Variants in BTBD16 observed in about 807,000 individuals in gnomAD.
BTBD16 encodes BTB/POZ domain-containing protein 16.
In BTBD16, 66 loss-of-function variants were observed where a neutral mutation model predicts 67.4. The observed-to-expected ratio is 0.98, with a 90% CI of 0.80 to 1.20. The LOEUF (loss-of-function observed/expected upper bound fraction) is 1.20, where lower values mean the gene tolerates loss of function less well. BTBD16 is among the 50% of genes most tolerant of loss of function. The pLI is 0.00. For missense variants in BTBD16, 634 were observed against 616.0 expected, an observed-to-expected ratio of 1.03 and a Z score of -0.31; for synonymous variants, 242 against 236.4, an observed-to-expected ratio of 1.02 and a Z score of -0.22.
chr10:122,336,764 T>C (rs1465986343), intron 15 of BTBD16, 82 bp downstream of exon 15: 3 of 1,245,044 alleles, frequency 2.4e-6, no homozygotes, highest in Admixed American at 2.8e-5. Context: ...TGGCTTCTAA[T>C]CTCCAGTGCT....
chr10:122,303,058 GA>G lies in BTBD16; in HGVS notation c.791+3932del, dbSNP rs1005420211. Among the ~76,000 whole-genome samples the G allele has an allele frequency of 1.6e-4, 24 of 151,658 alleles. 1 individual carries two copies. Among genetic ancestry groups the G allele is most frequent in the Non-Finnish European group, 2.9e-4 (20 of 67,890 alleles). On this transcript the variant is annotated intron_variant, in intron 9 of 15. Coordinates refer to ENST00000260723, the MANE Select transcript of BTBD16 (RefSeq NM_144587.5). ...AAAAGTATATCTCCTTGTAGTTTCT[GA>G]AAAAAAAGTATAAAGGTAGAATTAT...
At chr10:122,336,833 A>G (rs1311034187) in intron 15 of BTBD16, 151 bp downstream of exon 15, 2 of 670,216 alleles carry the variant, frequency 3.0e-6, no homozygotes, top group East Asian at 3.2e-5. Context: ...CACAGCCTCA[A>G]ATAACGCTAA....
intron 4 of BTBD16, among the ~76,000 whole-genome samples, chr10:122,284,269 T>C (rs1314170437): frequency 6.6e-6 from 1 of 152,076 alleles, no homozygotes; most frequent in African/African-American, 2.4e-5. Flanking sequence ...GCCAACATGG[T>C]GAAACCCCGT....
intron 10 of BTBD16, among the ~76,000 whole-genome samples, chr10:122,315,282 C>T (rs1430516479): frequency 1.3e-5 from 2 of 152,132 alleles, no homozygotes; most frequent in African/African-American, 4.8e-5. Flanking sequence ...GCCTGTATAA[C>T]CAGCACTGCA....
At chr10:122,307,373 A>T in intron 10 of BTBD16, 65 bp downstream of exon 10, 3 of 1,452,316 alleles carry the variant, frequency 2.1e-6, no homozygotes, top group Non-Finnish European at 2.8e-6. Flanking sequence ...ACTGCTCATA[A>T]TATCACGGGG....
chr10:122,288,767 C>T (rs1283510378), intron 5 of BTBD16, among the ~76,000 whole-genome samples: 3 of 152,010 alleles, frequency 2.0e-5, no homozygotes, highest in East Asian at 1.9e-4. Context: ...AAAGCCCTCT[C>T]GGGGGGAGGG....
intron 2 of BTBD16, 162 bp from the exon 3 acceptor site, chr10:122,276,629 C>T (rs958271793): frequency 2.1e-6 from 1 of 467,536 alleles, no homozygotes; most frequent in Non-Finnish European, 2.8e-6. Context: ...AATACAGTGT[C>T]TTTGCCTTGA....
intron 5 of BTBD16, among the ~76,000 whole-genome samples, chr10:122,289,118 T>G (rs2096369142): frequency 6.6e-6 from 1 of 152,012 alleles, no homozygotes; most frequent in Non-Finnish European, 1.5e-5. Context: ...AGAGTGACAA[T>G]AGCCACCACA....
chr10:122,289,811 T>C (rs1386486837), intron 5 of BTBD16, 98 bp from the exon 6 acceptor site: 1 of 724,342 alleles, frequency 1.4e-6, no homozygotes, highest in African/African-American at 1.8e-5. Flanking sequence ...GATACATATC[T>C]TGATACCTCA....
chr10:122,299,785 C>A (rs952975799), intron 9 of BTBD16, among the ~76,000 whole-genome samples: 1 of 152,170 alleles, frequency 6.6e-6, no homozygotes, highest in Non-Finnish European at 1.5e-5. Context: ...AGCCCAAGAT[C>A]GGAGGTCCAA....
intron 10 of BTBD16, among the ~76,000 whole-genome samples, chr10:122,307,916 T>C (rs907298309): frequency 6.6e-6 from 1 of 152,280 alleles, no homozygotes; most frequent in African/African-American, 2.4e-5. Flanking sequence ...AGAACATCTG[T>C]GCGCTGCGTT....
intron 10 of BTBD16, among the ~76,000 whole-genome samples, chr10:122,319,358 G>A (rs901829420): frequency 6.6e-6 from 1 of 151,970 alleles, no homozygotes; most frequent in Non-Finnish European, 1.5e-5. Flanking sequence ...TATTGTTTTA[G>A]CTCTCACATT....
intron 7 of BTBD16, among the ~76,000 whole-genome samples, chr10:122,294,381 T>C (rs2096379396): frequency 1.3e-5 from 2 of 152,344 alleles, no homozygotes; most frequent in Non-Finnish European, 1.5e-5. Context: ...GAATCACACA[T>C]ACCTGAGGCC....
rs748237905 is a variant in BTBD16, at chr10:122,276,768, C to T, written c.19-23C>T. On this transcript the variant is annotated intron_variant, in intron 2 of 15. Transcript: ENST00000260723. ...GTGAAGTTAGAAAAAAAGATGTCTT[C>T]TCTTTCTTTGATTACCAAGCAGCAC... is the stretch of plus-strand genomic sequence containing the variant. 4.6e-5 allele frequency: 73 copies of T among 1,602,744 alleles called. 1 individual carries two copies. The South Asian group carries it at 7.9e-4, about 17-fold the overall frequency.
chr10:122,296,741 A>G (rs2096383969), intron 7 of BTBD16, among the ~76,000 whole-genome samples: 2 of 152,210 alleles, frequency 1.3e-5, no homozygotes. Flanking sequence ...CATGCAAATC[A>G]AAGCTAAGGG....
Position 122,297,823 on chromosome 10 carries a change from G to A in BTBD16, c.646G>A (p.Glu216Lys), listed in dbSNP as rs773818022. 2.5e-6 allele frequency: 4 copies of A among 1,614,022 alleles called. No homozygotes were observed. The highest frequency in any genetic ancestry group is 2.5e-6 in the Non-Finnish European group (3 of 1,180,036). Residue 216 changes from glutamate (E) to lysine (K), a missense_variant, in exon 8 of 16, where the codon GAG (glutamate) becomes AAG (lysine). Transcript: ENST00000260723. ...LKPSTIKKFY[E>K]AGCKYKEEQL... ...GCCAAGCACCATCAAGAAATTCTACGAGGCCGGCTGCAAGGTGAGAACAAC... is the reference window on the plus strand; with the variant it reads ...GCCAAGCACCATCAAGAAATTCTACAAGGCCGGCTGCAAGGTGAGAACAAC...
chr10:122,276,542 C>T (rs2142042236), intron 2 of BTBD16, among the ~76,000 whole-genome samples: 1 of 152,308 alleles, frequency 6.6e-6, no homozygotes, highest in Admixed American at 6.5e-5. Context: ...TTCTCCTTGA[C>T]CTCTTACCCT....
chr10:122,332,187 G>A (rs1189089345), intron 12 of BTBD16: 3 of 464,924 alleles, frequency 6.5e-6, no homozygotes, highest in Non-Finnish European at 1.2e-5. Flanking sequence ...TATTTCCCAT[G>A]TGAGACTGCT....
chr10:122,332,633 A>G (rs574688371), intron 13 of BTBD16, 120 bp downstream of exon 13: 3 of 1,111,920 alleles, frequency 2.7e-6, no homozygotes, highest in East Asian at 5.0e-5. Context: ...GGTCCAGAAG[A>G]GAGAACCACA....
Sources: gnomAD v4.1 joint callset for allele counts (sites outside exome capture counted in the v4.1 genomes callset) on GRCh38, gnomAD v4.1.1 for gene constraint, MANE v1.5 for transcripts, NCBI Gene and HGNC (gene_info 2026-07-23, HGNC 2026-07-21) for gene names.